The following PDZRN3 variants were observed in gnomAD, a reference collection of about 807,000 sequenced individuals.
The protein encoded by PDZRN3 is PDZ domain containing ring finger 3.
PDZRN3 carries 38 observed loss-of-function variants against 85.7 expected under a neutral mutation model. The observed-to-expected ratio is 0.44, with a 90% CI of 0.34 to 0.58. The LOEUF (loss-of-function observed/expected upper bound fraction) is 0.58, where lower values mean the gene tolerates loss of function less well. Among genes scored for constraint, PDZRN3 ranks in the 20% least tolerant of loss-of-function variants. The pLI, the probability that PDZRN3 is intolerant of heterozygous loss-of-function variation, is 0.01. For synonymous variants in PDZRN3, 759 were observed against 638.0 expected (o/e 1.19, Z -2.86); for missense variants, 1,629 against 1,506.4 (o/e 1.08, Z -1.35).
At chr3:73,408,285 C>T in intron 3 of PDZRN3, 1 of 697,418 alleles carries the variant, frequency 1.4e-6, no homozygotes, top group Non-Finnish European at 2.6e-6. Flanking sequence ...TAGCATCATG[C>T]TTTTTAGGGT....
chr3:73,463,047 G>A (rs747471157), intron 3 of PDZRN3, among the ~76,000 whole-genome samples: 10 of 152,188 alleles, frequency 6.6e-5, no homozygotes, highest in Non-Finnish European at 1.5e-4. Flanking sequence ...ATAGGAAAGA[G>A]AGATGCTAGG....
intron 3 of PDZRN3, among the ~76,000 whole-genome samples, chr3:73,482,278 C>T (rs939681231): frequency 3.9e-5 from 6 of 152,176 alleles, no homozygotes; most frequent in African/African-American, 1.4e-4. Context: ...AGGTTTAGTT[C>T]ATTAGATTGT....
At chr3:73,525,152 T>C (rs1046359497) in intron 3 of PDZRN3, among the ~76,000 whole-genome samples, 1 of 152,078 alleles carries the variant, frequency 6.6e-6, no homozygotes, top group Non-Finnish European at 1.5e-5. Flanking sequence ...GTGGTTTCCA[T>C]GATGTGGCCC....
At chr3:73,459,314 C>A (rs1454394753) in intron 3 of PDZRN3, among the ~76,000 whole-genome samples, 5 of 152,178 alleles carry the variant, frequency 3.3e-5, no homozygotes, top group Non-Finnish European at 7.3e-5. Flanking sequence ...ACAGCCAAAC[C>A]ATATCATGAA....
At chr3:73,444,876 C>G (rs968765679) in intron 3 of PDZRN3, among the ~76,000 whole-genome samples, 2 of 152,142 alleles carry the variant, frequency 1.3e-5, no homozygotes, top group Admixed American at 6.5e-5. Context: ...CAGAGCCACA[C>G]GTGAGGAAAC....
At chr3:73,578,321 A>G (rs1386480077) in intron 3 of PDZRN3, among the ~76,000 whole-genome samples, 1 of 151,968 alleles carries the variant, frequency 6.6e-6, no homozygotes. Flanking sequence ...GGCGCCTGCC[A>G]CCATGCCTGG....
chr3:73,386,634 G>C (rs1253093468), intron 8 of PDZRN3, among the ~76,000 whole-genome samples: 1 of 152,236 alleles, frequency 6.6e-6, no homozygotes, highest in Non-Finnish European at 1.5e-5. Flanking sequence ...TGAGAACACA[G>C]CCATGCTCAT....
chr3:73,423,487 G>A lies in PDZRN3; in HGVS notation c.919-19092C>T, dbSNP rs181578565. ...TGTGAATAGTAAGCATTTGTTTGCC[G>A]TATTTGGTTCATGTGTTGTTTGTTC... On this transcript the variant is annotated intron_variant, in intron 3 of 9. Transcript: ENST00000263666. Among the ~76,000 whole-genome samples the A allele has an allele frequency of 1.2e-4, 19 of 152,288 alleles. No individual in the cohort carries two copies. In the East Asian group the frequency reaches 2.3e-3, roughly 19 times the overall value.
chr3:73,389,679 G>A, intron 7 of PDZRN3, 137 bp downstream of exon 7: 1 of 675,930 alleles, frequency 1.5e-6, no homozygotes, highest in Non-Finnish European at 2.7e-6. Context: ...TAACTTGTCT[G>A]GCCTCACTAC....
intron 3 of PDZRN3, among the ~76,000 whole-genome samples, chr3:73,599,859 G>A (rs1176280569): frequency 6.6e-6 from 1 of 152,198 alleles, no homozygotes; most frequent in African/African-American, 2.4e-5. Context: ...ATCTGACAGT[G>A]CCATGGTATC....
chr3:73,584,302 C>G (rs1360743294), intron 3 of PDZRN3, among the ~76,000 whole-genome samples: 1 of 152,134 alleles, frequency 6.6e-6, no homozygotes, highest in Non-Finnish European at 1.5e-5. Context: ...AAAAAATGAT[C>G]AATAGAGAAG....
intron 3 of PDZRN3, among the ~76,000 whole-genome samples, chr3:73,579,431 G>A (rs1702166866): frequency 6.6e-6 from 1 of 152,180 alleles, no homozygotes; most frequent in South Asian, 2.1e-4. Flanking sequence ...TAATCATAAA[G>A]AGTAATCAAT....
chr3:73,574,992 AC>A (rs1444511514), intron 3 of PDZRN3, among the ~76,000 whole-genome samples: 1 of 152,250 alleles, frequency 6.6e-6, no homozygotes, highest in Non-Finnish European at 1.5e-5. Flanking sequence ...GAAGTGTTGT[AC>A]AAGAGAGCAA....
chr3:73,526,598 C>A (rs1465021161), intron 3 of PDZRN3, among the ~76,000 whole-genome samples: 1 of 152,214 alleles, frequency 6.6e-6, no homozygotes, highest in Non-Finnish European at 1.5e-5. Flanking sequence ...CAATTATGAA[C>A]TGAGGACATA....
intron 3 of PDZRN3, among the ~76,000 whole-genome samples, chr3:73,516,512 C>A (rs1704258487): frequency 1.3e-5 from 2 of 152,164 alleles, no homozygotes; most frequent in African/African-American, 2.4e-5. Flanking sequence ...GGTAGTGTGT[C>A]TTTTTCCTTG....
intron 3 of PDZRN3, among the ~76,000 whole-genome samples, chr3:73,446,914 C>T (rs1483883387): frequency 1.3e-5 from 2 of 151,812 alleles, no homozygotes; most frequent in Non-Finnish European, 2.9e-5. Context: ...GCTCCTAGCT[C>T]CTGCCTTCTC....
chr3:73,534,718 T>C (rs1704735795), intron 3 of PDZRN3, among the ~76,000 whole-genome samples: 1 of 152,256 alleles, frequency 6.6e-6, no homozygotes, highest in Non-Finnish European at 1.5e-5. Flanking sequence ...AGATTTCCTA[T>C]TCTTCTCTTC....
At chr3:73,586,160 C>G (rs773295285) in intron 3 of PDZRN3, among the ~76,000 whole-genome samples, 1 of 152,170 alleles carries the variant, frequency 6.6e-6, no homozygotes, top group African/African-American at 2.4e-5. Flanking sequence ...GGATTCCTCA[C>G]GATTTCCCTC....
chr3:73,541,646 A>T (rs1704923910), intron 3 of PDZRN3, among the ~76,000 whole-genome samples: 1 of 152,186 alleles, frequency 6.6e-6, no homozygotes, highest in African/African-American at 2.4e-5. Flanking sequence ...TGATATATAC[A>T]TGTTGGACTT....
Sources: gnomAD v4.1 joint callset for allele counts (sites outside exome capture counted in the v4.1 genomes callset) on GRCh38, gnomAD v4.1.1 for gene constraint, MANE v1.5 for transcripts, NCBI Gene and HGNC (gene_info 2026-07-23, HGNC 2026-07-21) for gene names.